The following MYO1D variants were observed in gnomAD, a reference collection of about 807,000 sequenced individuals.
The protein encoded by MYO1D is unconventional myosin-Id.
Under a neutral mutation model 122.0 loss-of-function variants are expected in MYO1D, and 83 were observed. The ratio of observed to expected loss-of-function variants is 0.68; its 90% CI spans 0.57 to 0.82. The LOEUF (loss-of-function observed/expected upper bound fraction) is 0.82. Ranked by LOEUF, MYO1D falls within the 40% of genes least tolerant of loss-of-function variation. The pLI is 0.00. For synonymous variants in MYO1D, 464 were observed against 446.9 expected, an observed-to-expected ratio of 1.04 and a Z score of -0.48; for missense variants, 1,157 against 1,269.5, an observed-to-expected ratio of 0.91 and a Z score of 1.35.
intron 7 of MYO1D, among the ~76,000 whole-genome samples, chr17:32,766,065 T>C (rs913695826): frequency 6.6e-6 from 1 of 151,970 alleles, no homozygotes; most frequent in African/African-American, 2.4e-5. Context: ...TTGTATTTTT[T>C]GTATAGATGG....
chr17:32,761,447 CT>C (rs1466936195), intron 8 of MYO1D, among the ~76,000 whole-genome samples: 1 of 152,194 alleles, frequency 6.6e-6, no homozygotes, highest in Non-Finnish European at 1.5e-5. Context: ...TCACTGCCTT[CT>C]TGGAACACTC....
intron 21 of MYO1D, among the ~76,000 whole-genome samples, chr17:32,552,419 C>T (rs200619877): frequency 1.7e-3 from 245 of 143,602 alleles, no homozygotes; most frequent in African/African-American, 4.4e-3. Context: ...CATCCATCCA[C>T]CCATCCATCC....
chr17:32,754,300 G>A (rs1294246602), intron 11 of MYO1D, among the ~76,000 whole-genome samples: 2 of 152,166 alleles, frequency 1.3e-5, no homozygotes, highest in African/African-American at 4.8e-5. Flanking sequence ...CAGCACCTAG[G>A]ATTGCACCTG....
chr17:32,854,442 G>A (rs893279734), intron 1 of MYO1D, among the ~76,000 whole-genome samples: 5 of 152,240 alleles, frequency 3.3e-5, no homozygotes, highest in Non-Finnish European at 7.3e-5. Flanking sequence ...TGAAAAGCTT[G>A]CACATCTAAA....
chr17:32,760,453 C>G, intron 9 of MYO1D, 29 bp downstream of exon 9: 3 of 1,605,684 alleles, frequency 1.9e-6, no homozygotes, highest in Non-Finnish European at 2.6e-6. Context: ...AAACAGGCAA[C>G]AAGGTTTTAA....
At chr17:32,777,573 C>T (rs2090187348) in intron 3 of MYO1D, among the ~76,000 whole-genome samples, 1 of 152,084 alleles carries the variant, frequency 6.6e-6, no homozygotes, top group South Asian at 2.1e-4. Context: ...AATGCTGGGC[C>T]CCAGACAGTA....
At position 32,751,720 on chromosome 17, in the gene MYO1D, G is replaced by A. The variant is rs2089901395; in HGVS notation, c.1468-2714C>T. ...AAACCCTAGGAATATATTTAAACAG[G>A]GAAGTGAAAGATCTCTACAAGGAGA... is the stretch of plus-strand genomic sequence containing the variant. On this transcript the variant is annotated intron_variant, in intron 11 of 21. Coordinates refer to ENST00000318217, the MANE Select transcript of MYO1D (RefSeq NM_015194.3). 2.6e-5 allele frequency among the ~76,000 whole-genome samples: 4 copies of A among 152,030 alleles called. No individual in the cohort carries two copies. The South Asian group carries it at 8.3e-4, about 32-fold the overall frequency.
chr17:32,865,603 A>G (rs1176222632), intron 1 of MYO1D, among the ~76,000 whole-genome samples: 1 of 152,244 alleles, frequency 6.6e-6, no homozygotes, highest in Non-Finnish European at 1.5e-5. Context: ...ACCTATGTTC[A>G]GGAGTAAACA....
At chr17:32,545,386 T>G (rs900098319) in intron 21 of MYO1D, among the ~76,000 whole-genome samples, 1 of 152,234 alleles carries the variant, frequency 6.6e-6, no homozygotes, top group Admixed American at 6.5e-5. Context: ...CAGTGGCATA[T>G]TATTCTCCTG....
intron 14 of MYO1D, among the ~76,000 whole-genome samples, chr17:32,721,456 CAG>C (rs1240964078): frequency 6.6e-6 from 1 of 152,102 alleles, no homozygotes; most frequent in African/African-American, 2.4e-5. Context: ...AAGTAAATAA[CAG>C]AGACGTAAAG....
chr17:32,827,564 A>G (rs1235435247), intron 1 of MYO1D, among the ~76,000 whole-genome samples: 8 of 152,228 alleles, frequency 5.3e-5, no homozygotes, highest in South Asian at 2.1e-4. Flanking sequence ...TGGTAATTTT[A>G]TGTTACATAT....
chr17:32,634,402 C>T (rs1035903812), intron 20 of MYO1D, among the ~76,000 whole-genome samples: 2 of 152,172 alleles, frequency 1.3e-5, no homozygotes, highest in African/African-American at 2.4e-5. Context: ...ATGGTCTGTA[C>T]GGAGGAAGAT....
intron 20 of MYO1D, among the ~76,000 whole-genome samples, chr17:32,619,094 A>C (rs1233966391): frequency 1.3e-5 from 2 of 152,156 alleles, no homozygotes; most frequent in African/African-American, 4.8e-5. Flanking sequence ...TAGTTTCACG[A>C]AAAATTCAAT....
intron 16 of MYO1D, among the ~76,000 whole-genome samples, chr17:32,671,594 G>C (rs1447136149): frequency 6.6e-6 from 1 of 152,172 alleles, no homozygotes; most frequent in African/African-American, 2.4e-5. Context: ...ACATAAGCAA[G>C]AGTGGTCATT....
chr17:32,763,232 C>A (rs1436697266), intron 8 of MYO1D, among the ~76,000 whole-genome samples: 1 of 151,116 alleles, frequency 6.6e-6, no homozygotes, highest in Admixed American at 6.6e-5. Context: ...TCCTTAAAGT[C>A]CTCCCTATTG....
At chr17:32,733,585 TTG>T (rs754674980) in intron 14 of MYO1D, among the ~76,000 whole-genome samples, 1 of 151,624 alleles carries the variant, frequency 6.6e-6, no homozygotes, top group Non-Finnish European at 1.5e-5. Flanking sequence ...AGACTCACCA[TTG>T]TGTGTGTGTG....
At chr17:32,820,348 C>G (rs1047693899) in intron 1 of MYO1D, among the ~76,000 whole-genome samples, 3 of 152,074 alleles carry the variant, frequency 2.0e-5, no homozygotes, top group Non-Finnish European at 4.4e-5. Context: ...ACATTAGTCT[C>G]AAGATACGAA....
At chr17:32,696,967 T>C (rs2089180889) in intron 16 of MYO1D, among the ~76,000 whole-genome samples, 1 of 152,208 alleles carries the variant, frequency 6.6e-6, no homozygotes, top group Admixed American at 6.5e-5. Flanking sequence ...AGATCTGTCC[T>C]CCCTGTTAAT....
chr17:32,699,496 C>T (rs1358188859), intron 16 of MYO1D, among the ~76,000 whole-genome samples: 3 of 152,082 alleles, frequency 2.0e-5, no homozygotes, highest in Non-Finnish European at 2.9e-5. Context: ...GGGGTGGCCA[C>T]GCCTATCCCT....
Sources: allele counts gnomAD v4.1 joint callset (sites outside exome capture counted in the v4.1 genomes callset), GRCh38; gene constraint gnomAD v4.1.1; transcripts MANE v1.5; gene names NCBI Gene and HGNC (gene_info 2026-07-23, HGNC 2026-07-21).